CR1L: variants seen among roughly 807,000 people sequenced by gnomAD.
The protein encoded by CR1L is complement component receptor 1-like protein.
CR1L carries 59 observed loss-of-function variants against 62.3 expected under a neutral mutation model. The ratio of observed to expected loss-of-function variants is 0.95; its 90% confidence interval spans 0.77 to 1.18. The LOEUF (loss-of-function observed/expected upper bound fraction) is 1.18. Among genes scored for constraint, CR1L ranks in the 50% most tolerant of loss-of-function variants. The pLI is 0.00. For missense variants in CR1L, 700 were observed against 702.8 expected (o/e 1.00, Z 0.04); for synonymous variants, 279 against 248.7 (o/e 1.12, Z -1.15).
intron 1 of CR1L, among the ~76,000 whole-genome samples, chr1:207,665,067 T>C (rs1332890848): frequency 1.3e-5 from 2 of 152,250 alleles, no homozygotes; most frequent in Non-Finnish European, 2.9e-5. Context: ...TTTTGGTTTT[T>C]TTTTGAGACG....
At chr1:207,682,211 G>A (rs527592155) in intron 3 of CR1L, among the ~76,000 whole-genome samples, 16 of 148,654 alleles carry the variant, frequency 1.1e-4, no homozygotes, top group African/African-American at 3.2e-4. Flanking sequence ...TGGCTCATGC[G>A]TGTAATCCCA....
chr1:207,702,806 G>A (rs1215315392), intron 9 of CR1L, among the ~76,000 whole-genome samples: 1 of 152,214 alleles, frequency 6.6e-6, no homozygotes, highest in African/African-American at 2.4e-5. Context: ...GAAGCAGCTG[G>A]GCACTGTGGC....
At chr1:207,685,649 C>A (rs907360249) in intron 4 of CR1L, among the ~76,000 whole-genome samples, 1 of 152,186 alleles carries the variant, frequency 6.6e-6, no homozygotes, top group African/African-American at 2.4e-5. Context: ...ATTCAGAGAA[C>A]CCAGTTCAAT....
At chr1:207,649,790 A>G (rs1322193177) in intron 1 of CR1L, among the ~76,000 whole-genome samples, 1 of 152,202 alleles carries the variant, frequency 6.6e-6, no homozygotes, top group African/African-American at 2.4e-5. Context: ...ATCGAAAGGT[A>G]TCTGTCTTGG....
At chr1:207,698,011 CT>C in intron 7 of CR1L, 138 bp downstream of exon 7, 1 of 1,380,726 alleles carries the variant, frequency 7.2e-7, no homozygotes, top group Non-Finnish European at 9.9e-7. Context: ...GAGAGATGAA[CT>C]TTTGAAAGTA....
intron 1 of CR1L, among the ~76,000 whole-genome samples, chr1:207,666,410 C>T (rs1203310456): frequency 6.6e-6 from 1 of 152,140 alleles, no homozygotes; most frequent in African/African-American, 2.4e-5. Context: ...TATTAAGAAC[C>T]CCTCATGACT....
chr1:207,647,827 A>G (rs1331208092), intron 1 of CR1L, among the ~76,000 whole-genome samples: 1 of 152,092 alleles, frequency 6.6e-6, no homozygotes, highest in Non-Finnish European at 1.5e-5. Flanking sequence ...CTTGCATCTC[A>G]CTGATCATTA....
At chr1:207,712,404 C>T (rs1488452617) in intron 10 of CR1L, among the ~76,000 whole-genome samples, 2 of 152,190 alleles carry the variant, frequency 1.3e-5, no homozygotes, top group Admixed American at 1.3e-4. Flanking sequence ...GGGCCATGTG[C>T]TAGGGAGAAT....
rs1241978590 is a variant in CR1L, at chr1:207,677,333, A to T, written c.98-56A>T. 4.7e-6 allele frequency: 5 copies of T among 1,074,608 alleles called. No individual in the cohort carries two copies. In the East Asian group the frequency reaches 1.2e-4, roughly 25 times the overall value. The allele number at this position is 1,074,608 out of a possible 1,614,324, so 66.6% of individuals were successfully genotyped here. A position where few individuals can be genotyped will look rare whatever the true frequency, so the allele number is the denominator to read the frequency against. On this transcript the variant is annotated intron_variant, in intron 1 of 11. Transcript: ENST00000508064. ...AAAAAAAAAAAAAAAAAAAAAAAAAAAAAAGTATGGTAATTTCTCCATTAA... is the reference window on the plus strand; with the variant it reads ...AAAAAAAAAAAAAAAAAAAAAAAAATAAAAGTATGGTAATTTCTCCATTAA...
In CR1L at chr1:207,668,164, T is replaced by C. The variant is rs542363911; in HGVS notation, c.98-9225T>C. 2.1e-4 allele frequency among the ~76,000 whole-genome samples: 31 copies of C among 151,172 alleles called. 3 individuals carry two copies. The highest frequency in any genetic ancestry group is 6.4e-4 in the African/African-American group (26 of 40,448). ...CCATATGATCCAGCAATCCCACTAC[T>C]GGGTATATACCCAAAAGAAAGGAAA... On this transcript the variant is annotated intron_variant, in intron 1 of 11. Coordinates refer to ENST00000508064, the MANE Select transcript of CR1L (RefSeq NM_175710.2).
At chr1:207,686,244 A>C (rs1487873689) in intron 4 of CR1L, among the ~76,000 whole-genome samples, 1 of 141,162 alleles carries the variant, frequency 7.1e-6, no homozygotes, top group Non-Finnish European at 1.5e-5. Context: ...CACGGCTAGG[A>C]CCACCAGTAT....
intron 10 of CR1L, chr1:207,710,250 G>C (rs1463238921): frequency 1.8e-5 from 11 of 613,784 alleles, no homozygotes; most frequent in Non-Finnish European, 3.0e-5. Flanking sequence ...AGGTTGAGGG[G>C]GGAGGATTGC....
chr1:207,667,109 A>G (rs1318621175), intron 1 of CR1L, among the ~76,000 whole-genome samples: 1 of 152,208 alleles, frequency 6.6e-6, no homozygotes, highest in Admixed American at 6.5e-5. Context: ...CATCTGTCCC[A>G]TGCCCACATC....
At chr1:207,691,188 T>G (rs1011038022) in intron 4 of CR1L, among the ~76,000 whole-genome samples, 12 of 152,356 alleles carry the variant, frequency 7.9e-5, no homozygotes, top group Non-Finnish European at 1.2e-4. Flanking sequence ...ATTGCATTTG[T>G]TAAATTTTTT....
At position 207,652,542 on chromosome 1, in the gene CR1L, C is replaced by G. The variant is rs527854491; in HGVS notation, c.97+7212C>G. 9 of 1,475,078 alleles carry G rather than the reference C, an allele frequency of 6.1e-6. No individual in the cohort carries two copies. The Admixed American group carries it at 1.5e-4, about 25-fold the overall frequency. The allele number at this position is 1,475,078 out of a possible 1,614,324, so 91.4% of individuals were successfully genotyped here. ...ATCTTCATGTTCCTATTCTCTTATC[C>G]CTAGATGCCTATGAGGAGCCACCAA... is the stretch of plus-strand genomic sequence containing the variant. On this transcript the variant is annotated intron_variant, in intron 1 of 11. Coordinates refer to ENST00000508064, the MANE Select transcript of CR1L (RefSeq NM_175710.2).
intron 1 of CR1L, among the ~76,000 whole-genome samples, chr1:207,657,842 C>A (rs753433572): frequency 6.6e-6 from 1 of 152,204 alleles, no homozygotes; most frequent in Admixed American, 6.5e-5. Context: ...AAAGTATATA[C>A]TTCCCAAGTA....
At chr1:207,652,828 T>A (rs1663243247) in intron 1 of CR1L, 1 of 508,678 alleles carries the variant, frequency 2.0e-6, no homozygotes, top group Non-Finnish European at 3.5e-6. Context: ...GATGATGATT[T>A]TTTTTTCTTG....
intron 1 of CR1L, chr1:207,657,004 A>G (rs558245228): frequency 1.9e-6 from 1 of 537,226 alleles, no homozygotes; most frequent in African/African-American, 1.9e-5. Context: ...TTAAATCCAT[A>G]TTGAATTCAC....
intron 4 of CR1L, among the ~76,000 whole-genome samples, chr1:207,685,489 C>T (rs1663886317): frequency 6.6e-6 from 1 of 152,188 alleles, no homozygotes; most frequent in African/African-American, 2.4e-5. Context: ...GTTTTAGAGA[C>T]TCCATGATCA....
Sources: gnomAD v4.1 joint callset for allele counts (sites outside exome capture counted in the v4.1 genomes callset) on GRCh38, gnomAD v4.1.1 for gene constraint, MANE v1.5 for transcripts, NCBI Gene and HGNC (gene_info 2026-07-23, HGNC 2026-07-21) for gene names.